The following ANOS1 variants were observed in gnomAD, a reference collection of about 807,000 sequenced individuals.
ANOS1 encodes the protein anosmin 1, also known as anosmin-1.
In ANOS1, 6 loss-of-function variants were observed where a neutral mutation model predicts 59.0. The ratio of observed to expected loss-of-function variants is 0.10; its 90% confidence interval spans 0.06 to 0.20. The LOEUF (loss-of-function observed/expected upper bound fraction) is 0.20. Ranked by LOEUF, ANOS1 falls within the 10% of genes least tolerant of loss-of-function variation. The pLI is 1.00. For missense variants in ANOS1, 433 were observed against 542.3 expected (o/e 0.80, Z 2.00); for synonymous variants, 217 against 223.4 (o/e 0.97, Z 0.25).
intron 6 of ANOS1, among the ~76,000 whole-genome samples, chrX:8,575,621 T>C (rs979260672): frequency 9.4e-6 from 1 of 106,951 alleles, no homozygotes; most frequent in East Asian, 2.9e-4. Context: ...TTATGAAACA[T>C]GAAACAACAC....
chrX:8,625,541 G>A (rs1931376464), intron 2 of ANOS1, among the ~76,000 whole-genome samples: 1 of 112,026 alleles, frequency 8.9e-6, no homozygotes, highest in African/African-American at 3.2e-5. Flanking sequence ...AGATACACTG[G>A]AAAACTCTGA....
At chrX:8,563,002 T>C (rs1930056606) in intron 8 of ANOS1, among the ~76,000 whole-genome samples, 1 of 112,557 alleles carries the variant, frequency 8.9e-6, no homozygotes, top group African/African-American at 3.2e-5. Context: ...TGATGAAATA[T>C]ATAATGTTCT....
chrX:8,573,417 A>G (rs1160263859), intron 6 of ANOS1, among the ~76,000 whole-genome samples: 4 of 110,929 alleles, frequency 3.6e-5, no homozygotes, highest in South Asian at 3.9e-4. Context: ...CCCATGCTCC[A>G]TGATCCTTAA....
chrX:8,731,463 A>T (rs1569093994), intron 1 of ANOS1, among the ~76,000 whole-genome samples: 1 of 110,344 alleles, frequency 9.1e-6, no homozygotes, highest in Admixed American at 9.4e-5. Context: ...AGCGCCTGGG[A>T]CTTTGCGGGA....
chrX:8,589,400 AGGAG>A (rs1930577297), intron 4 of ANOS1, among the ~76,000 whole-genome samples: 2 of 111,900 alleles, frequency 1.8e-5, no homozygotes, highest in Non-Finnish European at 1.9e-5. Context: ...CATGTTGAAT[AGGAG>A]ATAACTGAAT....
chrX:8,674,782 T>A (rs1254242392), intron 2 of ANOS1, among the ~76,000 whole-genome samples: 1 of 112,188 alleles, frequency 8.9e-6, no homozygotes, highest in African/African-American at 3.2e-5. Flanking sequence ...CATAAGAAAA[T>A]GCACATGTCC....
intron 2 of ANOS1, among the ~76,000 whole-genome samples, chrX:8,674,327 A>G (rs766889942): frequency 5.2e-4 from 58 of 112,076 alleles, no homozygotes; most frequent in South Asian, 3.7e-4. Context: ...AGAAATGGGT[A>G]AAAAAATGCC....
intron 5 of ANOS1, among the ~76,000 whole-genome samples, chrX:8,586,564 T>C (rs887743361): frequency 8.9e-6 from 1 of 111,910 alleles, no homozygotes; most frequent in Admixed American, 9.5e-5. Context: ...TTTCCAAAAA[T>C]CTTTTGGAGA....
chrX:8,650,960 T>C (rs1422874344), intron 2 of ANOS1, among the ~76,000 whole-genome samples: 2 of 112,973 alleles, frequency 1.8e-5, no homozygotes, highest in Non-Finnish European at 3.7e-5. Flanking sequence ...TAATGCCCAT[T>C]GCTAATTAAT....
At position 8,551,066 on chromosome X, in the gene ANOS1, G is replaced by A. The variant is rs759776442; in HGVS notation, c.1354+2886C>T. 2.7e-5 allele frequency among the ~76,000 whole-genome samples: 3 copies of A among 111,524 alleles called. No individual in the cohort carries two copies. In the South Asian group the frequency reaches 1.1e-3, roughly 42 times the overall value. ...TGCTCTTTTGCCTACCACCACGTAA[G>A]GTATGCCTTTGCTCCTCCTTCACCT... On this transcript the variant is annotated intron_variant, in intron 9 of 13. Transcript: ENST00000262648.
At chrX:8,539,309 C>T (rs745939493) in intron 10 of ANOS1, among the ~76,000 whole-genome samples, 2 of 110,235 alleles carry the variant, frequency 1.8e-5, no homozygotes, top group South Asian at 7.9e-4. Context: ...CTTTAGATCA[C>T]GGTGACATGT....
chrX:8,702,092 T>C (rs965881157), intron 1 of ANOS1, among the ~76,000 whole-genome samples: 72 of 111,214 alleles, frequency 6.5e-4, no homozygotes, highest in African/African-American at 2.2e-3. Flanking sequence ...TACCACCTAC[T>C]GAGTTCCGTA....
intron 9 of ANOS1, among the ~76,000 whole-genome samples, chrX:8,548,026 T>A (rs1929798750): frequency 8.9e-6 from 1 of 112,544 alleles, no homozygotes; most frequent in Non-Finnish European, 1.9e-5. Context: ...ATTCAAAGTT[T>A]TAAAACTTCA....
At chrX:8,668,137 A>C (rs2146878179) in intron 2 of ANOS1, among the ~76,000 whole-genome samples, 1 of 107,985 alleles carries the variant, frequency 9.3e-6, no homozygotes, top group East Asian at 2.9e-4. Context: ...CCATCACCCG[A>C]GCAGTATACA....
In ANOS1 at chrX:8,658,105, T is replaced by C. The variant is rs146860985; in HGVS notation, c.256-34435A>G. 9.7e-3 allele frequency among the ~76,000 whole-genome samples: 1,087 copies of C among 112,167 alleles called. 4 individuals are homozygous for C. Among genetic ancestry groups the C allele is most frequent in the Middle Eastern group, 0.023 (5 of 219 alleles). Reference sequence around the variant, plus strand: ...TCCACACTATGAGCAAGTTCTCAGATAGAGAGTGGCAGATGCAGCAGAAAG... The same window carrying C: ...TCCACACTATGAGCAAGTTCTCAGACAGAGAGTGGCAGATGCAGCAGAAAG... On this transcript the variant is annotated intron_variant, in intron 2 of 13. Coordinates refer to ENST00000262648, the MANE Select transcript of ANOS1 (RefSeq NM_000216.4).
At chrX:8,692,675 G>A (rs1328767246) in intron 2 of ANOS1, among the ~76,000 whole-genome samples, 1 of 111,433 alleles carries the variant, frequency 9.0e-6, no homozygotes, top group Non-Finnish European at 1.9e-5. Flanking sequence ...GCTCATCTCT[G>A]AAGATGAAGG....
At chrX:8,664,325 G>A (rs754125064) in intron 2 of ANOS1, among the ~76,000 whole-genome samples, 1 of 110,706 alleles carries the variant, frequency 9.0e-6, no homozygotes, top group African/African-American at 3.3e-5. Context: ...CGAGTAGCTG[G>A]GACTACAGGA....
intron 1 of ANOS1, among the ~76,000 whole-genome samples, chrX:8,718,157 G>T (rs1438136515): frequency 9.0e-6 from 1 of 111,598 alleles, no homozygotes; most frequent in Non-Finnish European, 1.9e-5. Context: ...GGATATATGG[G>T]ACACATATTT....
rs750983126 is a variant in ANOS1 at position 8,685,363 on chromosome X, C to G, written c.255+14335G>C. Among the ~76,000 whole-genome samples the G allele has an allele frequency of 2.9e-4, 32 of 108,754 alleles. No individual in the cohort carries two copies. In the East Asian group the frequency reaches 4.1e-3, roughly 14 times the overall value. 94.4% of individuals were successfully genotyped at this position (108,754 alleles called of 115,157 possible). A position where few individuals can be genotyped will look rare whatever the true frequency, so the allele number is the denominator to read the frequency against. On this transcript the variant is annotated intron_variant, in intron 2 of 13. Transcript: ENST00000262648. ...CTGTGCTTAAAATTTTCAGCTGGGG[C>G]TCCTATAACTTAAGGCAGAGAGAAA...
Sources: allele counts gnomAD v4.1 joint callset (sites outside exome capture counted in the v4.1 genomes callset), GRCh38; gene constraint gnomAD v4.1.1; transcripts MANE v1.5; gene names NCBI Gene and HGNC (gene_info 2026-07-23, HGNC 2026-07-21).